CNTNAP2: variants seen among roughly 807,000 people sequenced by gnomAD.
CNTNAP2 encodes the protein contactin associated protein 2.
In CNTNAP2, 98 loss-of-function variants were observed where a neutral mutation model predicts 155.2. That is an observed-to-expected ratio of 0.63 (90% CI 0.54 to 0.75). The LOEUF (loss-of-function observed/expected upper bound fraction) is 0.75. Among genes scored for constraint, CNTNAP2 ranks in the 30% least tolerant of loss-of-function variants. The pLI is 0.00. For synonymous variants in CNTNAP2, 651 were observed against 631.2 expected, an observed-to-expected ratio of 1.03 and a Z score of -0.47; for missense variants, 1,727 against 1,688.1, an observed-to-expected ratio of 1.02 and a Z score of -0.40.
At chr7:148,196,554 C>A (rs1795281520) in intron 18 of CNTNAP2, among the ~76,000 whole-genome samples, 1 of 152,118 alleles carries the variant, frequency 6.6e-6, no homozygotes, top group Non-Finnish European at 1.5e-5. Context: ...GATAACAGCT[C>A]CCGGCACTTT....
chr7:147,888,536 T>C (rs1406770794), intron 13 of CNTNAP2, among the ~76,000 whole-genome samples: 1 of 151,866 alleles, frequency 6.6e-6, no homozygotes, highest in Non-Finnish European at 1.5e-5. Context: ...CTTATTTTGG[T>C]GAATGATGGC....
At chr7:147,766,650 C>T (rs1797388218) in intron 13 of CNTNAP2, among the ~76,000 whole-genome samples, 1 of 152,088 alleles carries the variant, frequency 6.6e-6, no homozygotes, top group Non-Finnish European at 1.5e-5. Flanking sequence ...TTTTCAAGTA[C>T]TTGAAGCAAT....
chr7:146,842,752 C>G (rs1183899281), intron 3 of CNTNAP2, among the ~76,000 whole-genome samples: 1 of 151,806 alleles, frequency 6.6e-6, no homozygotes. Flanking sequence ...GTGACGCGAT[C>G]TCGGCTCACT....
rs1237630799 is a variant in CNTNAP2, at chr7:146,779,669, A to T, written c.208+5288A>T. ...GATTTTTACTTAGTAGATATGTCTA[A>T]GAATCTTGTTTGTTGCCTCCTCAAA... On this transcript the variant is annotated intron_variant, in intron 2 of 23. Transcript: ENST00000361727. 3.9e-5 allele frequency among the ~76,000 whole-genome samples: 6 copies of T among 152,298 alleles called. No homozygotes were observed. In the East Asian group the frequency reaches 1.2e-3, roughly 29 times the overall value.
chr7:147,733,032 GT>G (rs548309586), intron 13 of CNTNAP2, among the ~76,000 whole-genome samples: 285 of 152,296 alleles, frequency 1.9e-3, no homozygotes, highest in Middle Eastern at 6.8e-3. Context: ...AAGCTCTTTA[GT>G]TTAATTAGAT....
At chr7:147,301,772 T>C (rs543460248) in intron 9 of CNTNAP2, among the ~76,000 whole-genome samples, 6 of 151,980 alleles carry the variant, frequency 3.9e-5, no homozygotes, top group African/African-American at 1.5e-4. Context: ...TATGAAAGAC[T>C]TAGTAAATTC....
chr7:147,973,216 C>G (rs1801366752), intron 14 of CNTNAP2, among the ~76,000 whole-genome samples: 1 of 143,924 alleles, frequency 6.9e-6, no homozygotes. Flanking sequence ...AAACTTTGTG[C>G]TGGTTAAACC....
intron 1 of CNTNAP2, among the ~76,000 whole-genome samples, chr7:146,392,303 G>A (rs1042688813): frequency 6.7e-6 from 1 of 150,142 alleles, no homozygotes; most frequent in African/African-American, 2.5e-5. Context: ...TCTTCATAAT[G>A]ATCAATGATG....
intron 16 of CNTNAP2, among the ~76,000 whole-genome samples, chr7:148,144,997 C>T (rs147366768): frequency 6.6e-6 from 1 of 152,256 alleles, no homozygotes; most frequent in African/African-American, 2.4e-5. Flanking sequence ...TGGGATTTCT[C>T]AAAGGCTTCC....
chr7:146,488,860 A>G (rs1034369690), intron 1 of CNTNAP2, among the ~76,000 whole-genome samples: 2 of 152,032 alleles, frequency 1.3e-5, no homozygotes, highest in African/African-American at 4.8e-5. Context: ...GGCTCAAGCA[A>G]TCCTCCTCCT....
chr7:147,987,362 G>T (rs2116877585), intron 15 of CNTNAP2, among the ~76,000 whole-genome samples: 1 of 152,248 alleles, frequency 6.6e-6, no homozygotes, highest in East Asian at 1.9e-4. Flanking sequence ...GTTACAGTTT[G>T]GAAAAAAGTC....
At chr7:148,339,129 G>T (rs942126399) in intron 21 of CNTNAP2, among the ~76,000 whole-genome samples, 1 of 152,112 alleles carries the variant, frequency 6.6e-6, no homozygotes, top group Non-Finnish European at 1.5e-5. Context: ...CAAGCGTAGT[G>T]TAAGTAAGAC....
At chr7:147,530,008 A>G (rs754185487) in intron 11 of CNTNAP2, among the ~76,000 whole-genome samples, 9 of 152,200 alleles carry the variant, frequency 5.9e-5, no homozygotes, top group Non-Finnish European at 1.2e-4. Flanking sequence ...GTGTATTATC[A>G]ATAATCGTGG....
intron 1 of CNTNAP2, among the ~76,000 whole-genome samples, chr7:146,539,273 G>C (rs1462726575): frequency 6.6e-6 from 1 of 151,958 alleles, no homozygotes; most frequent in Non-Finnish European, 1.5e-5. Flanking sequence ...TTAAGCTGCT[G>C]GTACATGGGT....
chr7:147,150,897 C>T (rs1801812273), intron 8 of CNTNAP2, among the ~76,000 whole-genome samples: 1 of 152,058 alleles, frequency 6.6e-6, no homozygotes, highest in African/African-American at 2.4e-5. Context: ...CCAAAAGAAA[C>T]CCAAAGGACT....
intron 1 of CNTNAP2, among the ~76,000 whole-genome samples, chr7:146,546,123 A>C (rs139245292): frequency 3.3e-5 from 5 of 152,000 alleles, no homozygotes; most frequent in Middle Eastern, 6.8e-3. Flanking sequence ...ATTGGGGGTA[A>C]AACATTTCAA....
At chr7:148,257,508 T>C (rs866699606) in intron 20 of CNTNAP2, among the ~76,000 whole-genome samples, 17 of 152,186 alleles carry the variant, frequency 1.1e-4, no homozygotes, top group African/African-American at 4.1e-4. Flanking sequence ...GACCTCTAAA[T>C]GGGTCAGCCT....
At chr7:146,785,137 A>ATT (rs938030788) in intron 2 of CNTNAP2, among the ~76,000 whole-genome samples, 1 of 148,830 alleles carries the variant, frequency 6.7e-6, no homozygotes, top group Non-Finnish European at 1.5e-5. Context: ...TGCCCTGCTA[A>ATT]TTTTTTTTTT....
At chr7:147,099,995 T>C (rs1800622080) in intron 4 of CNTNAP2, among the ~76,000 whole-genome samples, 1 of 152,260 alleles carries the variant, frequency 6.6e-6, no homozygotes, top group Admixed American at 6.5e-5. Flanking sequence ...GAAATTGTTA[T>C]TATTTCTGCA....
Sources: gnomAD v4.1 joint callset for allele counts (sites outside exome capture counted in the v4.1 genomes callset) on GRCh38, gnomAD v4.1.1 for gene constraint, MANE v1.5 for transcripts, NCBI Gene and HGNC (gene_info 2026-07-23, HGNC 2026-07-21) for gene names.